The following HHAT variants were observed in gnomAD, a reference collection of about 807,000 sequenced individuals.
HHAT encodes protein-cysteine N-palmitoyltransferase HHAT.
Under a neutral mutation model 70.8 loss-of-function variants are expected in HHAT, and 47 were observed. The ratio of observed to expected loss-of-function variants is 0.66; its 90% CI spans 0.53 to 0.85. HHAT has a LOEUF of 0.85. Ranked by LOEUF, HHAT falls within the 40% of genes least tolerant of loss-of-function variation. The probability of loss-of-function intolerance (pLI) is 0.00; values close to 1 mark genes in which losing one functional copy is unlikely to be tolerated. For missense variants in HHAT, 609 were observed against 604.8 expected (o/e 1.01, Z -0.07); for synonymous variants, 228 against 247.6 (o/e 0.92, Z 0.74).
intron 9 of HHAT, among the ~76,000 whole-genome samples, chr1:210,524,549 C>T (rs2095217015): frequency 1.3e-5 from 2 of 152,090 alleles, no homozygotes; most frequent in African/African-American, 4.8e-5. Flanking sequence ...GCAAGGAGTC[C>T]CTCCCTGAGG....
chr1:210,331,780 G>A (rs1347120596), intron 1 of HHAT, among the ~76,000 whole-genome samples: 1 of 152,180 alleles, frequency 6.6e-6, no homozygotes, highest in African/African-American at 2.4e-5. Flanking sequence ...CCACTTATCT[G>A]CCGACTTGAA....
At chr1:210,332,498 A>G (rs1018295420) in intron 1 of HHAT, among the ~76,000 whole-genome samples, 2 of 152,234 alleles carry the variant, frequency 1.3e-5, no homozygotes, top group Non-Finnish European at 2.9e-5. Context: ...TGCTATTTCA[A>G]TTCGCCTAGT....
At chr1:210,673,135 C>CGGCA (rs2148988818) in intron 11 of HHAT, among the ~76,000 whole-genome samples, 1 of 152,244 alleles carries the variant, frequency 6.6e-6, no homozygotes, top group South Asian at 2.1e-4. Flanking sequence ...TGATCTTGCC[C>CGGCA]GGCACCCTTT....
chr1:210,340,942 G>T (rs2085990435), intron 1 of HHAT, among the ~76,000 whole-genome samples: 1 of 152,158 alleles, frequency 6.6e-6, no homozygotes, highest in South Asian at 2.1e-4. Flanking sequence ...TTTGGGGCGG[G>T]TTTACTTATC....
At chr1:210,508,809 A>G (rs1051821280) in intron 8 of HHAT, among the ~76,000 whole-genome samples, 1 of 152,248 alleles carries the variant, frequency 6.6e-6, no homozygotes, top group Admixed American at 6.5e-5. Flanking sequence ...TTTAGGATGC[A>G]CTGTTAATTT....
intron 11 of HHAT, among the ~76,000 whole-genome samples, chr1:210,636,677 T>C (rs1671924942): frequency 6.6e-6 from 1 of 152,208 alleles, no homozygotes; most frequent in Admixed American, 6.5e-5. Flanking sequence ...AGTGGTAGTA[T>C]TGGTACAAAT....
At chr1:210,416,155 A>T (rs1406177807) in intron 6 of HHAT, among the ~76,000 whole-genome samples, 2 of 152,216 alleles carry the variant, frequency 1.3e-5, no homozygotes, top group South Asian at 2.1e-4. Flanking sequence ...GAATAAAAAT[A>T]AATCCCCTGC....
chr1:210,512,160 G>A (rs1312936779), intron 8 of HHAT, among the ~76,000 whole-genome samples: 3 of 152,158 alleles, frequency 2.0e-5, no homozygotes, highest in Admixed American at 6.5e-5. Flanking sequence ...ACAAAGTCAG[G>A]CTCCCCAGCT....
intron 9 of HHAT, among the ~76,000 whole-genome samples, chr1:210,567,244 C>G (rs972993898): frequency 3.3e-5 from 5 of 152,216 alleles, no homozygotes; most frequent in Non-Finnish European, 5.9e-5. Context: ...CTTTCTTACT[C>G]TTAGACATTT....
At chr1:210,455,496 C>T (rs1360545646) in intron 7 of HHAT, among the ~76,000 whole-genome samples, 1 of 152,016 alleles carries the variant, frequency 6.6e-6, no homozygotes. Context: ...TTAACAACTC[C>T]CTGGTCAGCT....
intron 8 of HHAT, among the ~76,000 whole-genome samples, chr1:210,477,677 G>T (rs2094325556): frequency 6.6e-6 from 1 of 152,206 alleles, no homozygotes; most frequent in South Asian, 2.1e-4. Context: ...CAGAGGATTT[G>T]CTAAGAAGTT....
At chr1:210,529,847 T>C (rs2095295334) in intron 9 of HHAT, among the ~76,000 whole-genome samples, 1 of 152,244 alleles carries the variant, frequency 6.6e-6, no homozygotes, top group South Asian at 2.1e-4. Flanking sequence ...TCTCCCAGCC[T>C]GATTTGCTGG....
chr1:210,554,291 T>C (rs2095553691), intron 9 of HHAT, among the ~76,000 whole-genome samples: 1 of 152,176 alleles, frequency 6.6e-6, no homozygotes, highest in Non-Finnish European at 1.5e-5. Context: ...CTAATGACTT[T>C]GAGGAAAACT....
intron 10 of HHAT, chr1:210,589,841 T>G (rs977304988): frequency 2.0e-5 from 3 of 152,238 alleles, no homozygotes; most frequent in African/African-American, 7.2e-5. Context: ...ACTCACTCAT[T>G]CACCTCACTT....
At chr1:210,403,445 C>T (rs981899798) in intron 5 of HHAT, among the ~76,000 whole-genome samples, 7 of 152,180 alleles carry the variant, frequency 4.6e-5, no homozygotes, top group Admixed American at 2.6e-4. Context: ...GCAAATTTTA[C>T]AGTGATTTGA....
At chr1:210,577,832 G>A (rs1273005968) in intron 9 of HHAT, among the ~76,000 whole-genome samples, 1 of 151,752 alleles carries the variant, frequency 6.6e-6, no homozygotes, top group African/African-American at 2.4e-5. Flanking sequence ...TTTTAGTCGA[G>A]ACAGGGTTTC....
chr1:210,505,978 T>G (rs888424929), intron 8 of HHAT, among the ~76,000 whole-genome samples: 10 of 152,202 alleles, frequency 6.6e-5, no homozygotes, highest in African/African-American at 2.2e-4. Flanking sequence ...GGCAGCCTGT[T>G]AGAGCAGAAC....
chr1:210,521,416 T>C (rs1222170246), intron 9 of HHAT, among the ~76,000 whole-genome samples: 2 of 152,238 alleles, frequency 1.3e-5, no homozygotes, highest in Non-Finnish European at 2.9e-5. Flanking sequence ...GTTTTCCTTG[T>C]TGATACCCTA....
At chr1:210,368,848 T>C (rs1316317835) in intron 3 of HHAT, among the ~76,000 whole-genome samples, 3 of 151,868 alleles carry the variant, frequency 2.0e-5, no homozygotes, top group Non-Finnish European at 2.9e-5. Context: ...GAGGCCGAGG[T>C]GGGCGGATCA....
Sources: gnomAD v4.1 joint callset for allele counts (sites outside exome capture counted in the v4.1 genomes callset) on GRCh38, gnomAD v4.1.1 for gene constraint, MANE v1.5 for transcripts, NCBI Gene and HGNC (gene_info 2026-07-23, HGNC 2026-07-21) for gene names.